The following NOTUM variants were observed in gnomAD, a reference collection of about 807,000 sequenced individuals.
NOTUM encodes notum, palmitoleoyl-protein carboxylesterase, also known as palmitoleoyl-protein carboxylesterase NOTUM.
NOTUM carries 36 observed loss-of-function variants against 65.5 expected under a neutral mutation model. That is an observed-to-expected ratio of 0.55 (90% confidence interval 0.42 to 0.73). The LOEUF is 0.73. Among genes scored for constraint, NOTUM ranks in the 30% least tolerant of loss-of-function variants. The pLI is 0.00. For synonymous variants in NOTUM, 356 were observed against 297.9 expected (o/e 1.20, Z -2.01); for missense variants, 659 against 694.2 (o/e 0.95, Z 0.57).
chr17:81,959,382 G>A (rs2041456938), intron 3 of NOTUM, 89 bp downstream of exon 3: 1 of 1,001,192 alleles, frequency 1.0e-6, no homozygotes, highest in South Asian at 1.5e-5. Context: ...TGATGTGCGG[G>A]GTGGGGGCCT....
chr17:81,954,931 ATCTCTC>A (rs35033192), intron 9 of NOTUM, among the ~76,000 whole-genome samples: 23,062 of 110,002 alleles, frequency 0.21, 3,387 homozygotes, highest in African/African-American at 0.45. Flanking sequence ...ACCGATCTCG[ATCTCTC>A]TCTCTCTCTC....
chr17:81,959,286 C>G, intron 3 of NOTUM, 185 bp downstream of exon 3: 2 of 617,276 alleles, frequency 3.2e-6, no homozygotes, highest in Admixed American at 5.8e-5. Flanking sequence ...TGGGTAAGCG[C>G]CTGAATGCTA....
At chr17:81,957,182 C>T (rs529502823) in intron 6 of NOTUM, 108 bp from the exon 7 acceptor site, 27 of 846,820 alleles carry the variant, frequency 3.2e-5, no homozygotes, top group African/African-American at 2.5e-4. Context: ...AGTCCTGATG[C>T]GTTCTGAACT....
chr17:81,953,249 C>T lies in NOTUM; in HGVS notation c.1203G>A (p.Gln401=), dbSNP rs750483208. 1 of 1,609,372 alleles carries T rather than the reference C, an allele frequency of 6.2e-7. No homozygotes were observed. The highest frequency in any genetic ancestry group is 2.2e-5 in the East Asian group (1 of 44,800). The part of the protein sequence containing the change: ...IIIRSHWTDV[Q]VKGTSLPRAL... ...CTCGGGGCAGCGACGTCCCCTTCAC[C>T]TGGACATCCGTCCAGTGGCTGCAGA... Residue 401 remains glutamine (Q), a synonymous_variant, in exon 11 of 11, where the codon CAG becomes CAA. Coordinates refer to ENST00000409678, the MANE Select transcript of NOTUM (RefSeq NM_178493.6).
Position 81,955,618 on chromosome 17 carries a change from AC to A in NOTUM, c.989-75del, listed in dbSNP as rs528822838. 591 of 1,276,766 alleles carry A rather than the reference AC, an allele frequency of 4.6e-4. 2 individuals carry two copies. In the African/African-American group the frequency reaches 0.013, roughly 28 times the overall value. The allele number at this position is 1,276,766 out of a possible 1,614,324, so 79.1% of individuals were successfully genotyped here. Reference sequence around the variant, plus strand: ...CCCCACCCCAGGCTCACAGCTCAGCACCCCCAGGCCCCTGCAGTGCCCCCAC... The same window carrying A: ...CCCCACCCCAGGCTCACAGCTCAGCACCCCAGGCCCCTGCAGTGCCCCCAC... On this transcript the variant is annotated intron_variant, in intron 8 of 10. Transcript: ENST00000409678.
At position 81,960,287 on chromosome 17, in the gene NOTUM, A is replaced by G. The variant is rs1055895533; in HGVS notation, c.323+300T>C. ...CCCCGGTGTCGCCGGTTCCCGCTGG[A>G]GCCAGGCGCGCTCTCGGGCTGCCAT... On this transcript the variant is annotated intron_variant, in intron 1 of 10. Coordinates refer to ENST00000409678, the MANE Select transcript of NOTUM (RefSeq NM_178493.6). This position sits in a 1 kb window ranked among gnomAD's most constrained non-coding sequence, Gnocchi z 6.4. 3.3e-5 allele frequency among the ~76,000 whole-genome samples: 5 copies of G among 152,100 alleles called. No homozygotes were observed. The highest frequency in any genetic ancestry group is 7.4e-5 in the Non-Finnish European group (5 of 68,012).
rs965437204 is a variant in NOTUM at position 81,959,485 on chromosome 17, G to C, written c.458C>G (p.Pro153Arg). The C allele has an allele frequency of 2.6e-6, 4 of 1,547,750 alleles. No individual in the cohort carries two copies. The African/African-American group carries it at 4.1e-5, about 16-fold the overall frequency. Residue 153 changes from proline to arginine, a missense_variant, in exon 3 of 11, where the codon CCG becomes CGG. Coordinates refer to ENST00000409678, the MANE Select transcript of NOTUM (RefSeq NM_178493.6). ...CCGCCGCTGACCTGTGCGAGTGCGC[G>C]GCCAGTCCCGGGAGCTCATGAGGCG... ...MRRLMSSRDW[P>R]RTRTGTGILS...
Position 81,952,910 on chromosome 17 carries a change from G to C in NOTUM, c.*51C>G. Reference sequence around the variant, plus strand: ...TGGTGGGGGGTGAGGTGGCACTGGGGCAGCGGGTGTCTGGGCCCCTCAGTG... The same window carrying C: ...TGGTGGGGGGTGAGGTGGCACTGGGCCAGCGGGTGTCTGGGCCCCTCAGTG... On this transcript the variant is annotated 3_prime_UTR_variant, in exon 11 of 11. Coordinates refer to ENST00000409678, the MANE Select transcript of NOTUM (RefSeq NM_178493.6). 6.6e-7 allele frequency: 1 copy of C among 1,515,868 alleles called. No homozygotes were observed. The highest frequency in any genetic ancestry group is 9.1e-7 in the Non-Finnish European group (1 of 1,097,406). 93.9% of individuals were successfully genotyped at this position (1,515,868 alleles called of 1,614,324 possible).
chr17:81,956,433 C>T (rs887834358), intron 8 of NOTUM, among the ~76,000 whole-genome samples: 2 of 152,086 alleles, frequency 1.3e-5, no homozygotes, highest in Admixed American at 6.5e-5. Context: ...GCGACTAGGC[C>T]CCCTGGCACA....
At chr17:81,958,030 G>C in intron 5 of NOTUM, 122 bp from the exon 6 acceptor site, 1 of 747,354 alleles carries the variant, frequency 1.3e-6, no homozygotes, top group Middle Eastern at 2.4e-4. Context: ...CTTCTGAGAA[G>C]GGGTCAGGGG....
chr17:81,953,377 C>T (rs1598366614), intron 10 of NOTUM, 110 bp from the exon 11 acceptor site: 1 of 680,776 alleles, frequency 1.5e-6, no homozygotes, highest in Non-Finnish European at 2.5e-6. Context: ...CTCACTGCAG[C>T]CTCCGCCTCC....
intron 9 of NOTUM, among the ~76,000 whole-genome samples, chr17:81,954,959 CCTCTCTCTCTT>C (rs2041419722): frequency 1.5e-4 from 7 of 46,510 alleles, no homozygotes; most frequent in African/African-American, 4.0e-4. Flanking sequence ...CTCTCTCTCT[CCTCTCTCTCTT>C]TCTCTCTCTC....
At chr17:81,955,629 C>A (rs2041427186) in intron 8 of NOTUM, 85 bp from the exon 9 acceptor site, 4 of 1,302,082 alleles carry the variant, frequency 3.1e-6, no homozygotes, top group Non-Finnish European at 4.2e-6. Context: ...CCCCCAGGCC[C>A]CTGCAGTGCC....
chr17:81,958,905 A>T, intron 4 of NOTUM, 30 bp downstream of exon 4: 1 of 1,572,236 alleles, frequency 6.4e-7, no homozygotes, highest in Non-Finnish European at 8.7e-7. Flanking sequence ...TCCAGGCAGG[A>T]CTCCCAGGCA....
chr17:81,960,929 G>T lies in NOTUM; in HGVS notation c.-20C>A, dbSNP rs2041471878. 40 of 1,218,646 alleles carry T rather than the reference G, an allele frequency of 3.3e-5. 1 individual carries two copies. The South Asian group carries it at 1.5e-3, about 45-fold the overall frequency. The allele number at this position is 1,218,646 out of a possible 1,614,324, so 75.5% of individuals were successfully genotyped here. A position where few individuals can be genotyped will look rare whatever the true frequency, so the allele number is the denominator to read the frequency against. Reference sequence around the variant, plus strand: ...GCCCATGGCCGCGTCCACCTGCGGGGAGCGGGCGGCCTTGAGGCGGCGGCG... The same window carrying T: ...GCCCATGGCCGCGTCCACCTGCGGGTAGCGGGCGGCCTTGAGGCGGCGGCG... On this transcript the variant is annotated 5_prime_UTR_variant, in exon 1 of 11. Transcript: ENST00000409678. This position sits in a 1 kb window ranked among gnomAD's most constrained non-coding sequence, Gnocchi z 6.4.
chr17:81,960,680 A>C lies in NOTUM; in HGVS notation c.230T>G (p.Leu77Arg). Reference sequence around the variant, plus strand: ...GAGCTGCTGCGCGGAGCAGGGGTACAGGGACTGCGCCAGGCTCTTGACTTG... The same window carrying C: ...GAGCTGCTGCGCGGAGCAGGGGTACCGGGACTGCGCCAGGCTCTTGACTTG... Reference protein sequence around the residue: ...MAQVKSLAQSLYPCSAQQLNE... With the variant: ...MAQVKSLAQSRYPCSAQQLNE... Residue 77 changes from leucine to arginine, a missense_variant, in exon 1 of 11, where the codon CTG (leucine) becomes CGG (arginine). Leu to Arg is a moderately radical substitution (Grantham distance 102). Coordinates refer to ENST00000409678, the MANE Select transcript of NOTUM (RefSeq NM_178493.6). The surrounding 1 kb of genome is among the most constrained non-coding windows in gnomAD (Gnocchi z 6.4). 1 of 1,599,774 alleles carries C rather than the reference A, an allele frequency of 6.3e-7. No individual in the cohort carries two copies. Among genetic ancestry groups the C allele is most frequent in the Non-Finnish European group, 8.5e-7 (1 of 1,173,862 alleles).
At chr17:81,955,827 C>T (rs2041428958) in intron 8 of NOTUM, among the ~76,000 whole-genome samples, 1 of 139,326 alleles carries the variant, frequency 7.2e-6, no homozygotes, top group Non-Finnish European at 1.6e-5. Flanking sequence ...CTGCAGTGCC[C>T]CCCATCCCAG....
chr17:81,958,999 G>C lies in NOTUM; in HGVS notation c.473-4C>G. On this transcript the variant is annotated splice_region_variant and splice_polypyrimidine_tract_variant and intron_variant, in intron 3 of 10. Transcript: ENST00000409678. The stretch of plus-strand genomic sequence containing the variant: ...TGTGAGGACAGGATCCCTGTGCCTG[G>C]GGACACAGAGGCGGTGGGTCTTTCT... 1 of 1,612,260 alleles carries C rather than the reference G, an allele frequency of 6.2e-7. No homozygotes were observed. The highest frequency in any genetic ancestry group is 8.5e-7 in the Non-Finnish European group (1 of 1,179,168).
At chr17:81,956,397 G>A (rs1346427082) in intron 8 of NOTUM, among the ~76,000 whole-genome samples, 1 of 152,080 alleles carries the variant, frequency 6.6e-6, no homozygotes, top group East Asian at 1.9e-4. Context: ...CAGTGCTGAG[G>A]GCAGGCAAGT....
Sources: gnomAD v4.1 joint callset for allele counts (sites outside exome capture counted in the v4.1 genomes callset) on GRCh38, gnomAD v4.1.1 for gene constraint, Gnocchi (gnomAD v3.1) non-coding constraint, MANE v1.5 for transcripts, NCBI Gene and HGNC (gene_info 2026-07-23, HGNC 2026-07-21) for gene names.